SPTLC3: variants seen among roughly 807,000 people sequenced by gnomAD.
SPTLC3 encodes the protein serine palmitoyltransferase long chain base subunit 3, also known as serine palmitoyltransferase 3.
In SPTLC3, 36 loss-of-function variants were observed where a neutral mutation model predicts 59.3. That is an observed-to-expected ratio of 0.61 (90% confidence interval 0.47 to 0.80). The LOEUF (loss-of-function observed/expected upper bound fraction) is 0.80, where lower values mean the gene tolerates loss of function less well. Among genes scored for constraint, SPTLC3 ranks in the 30% least tolerant of loss-of-function variants. The pLI is 0.00. For missense variants in SPTLC3, 625 were observed against 685.1 expected (o/e 0.91, Z 0.98); for synonymous variants, 257 against 240.8 (o/e 1.07, Z -0.62).
chr20:13,068,124 A>G (rs1417902532), intron 2 of SPTLC3, among the ~76,000 whole-genome samples: 3 of 152,228 alleles, frequency 2.0e-5, no homozygotes, highest in Non-Finnish European at 4.4e-5. Context: ...AGAAATATCT[A>G]TAACACTTGG....
chr20:13,152,299 G>A (rs1451684798), intron 9 of SPTLC3, among the ~76,000 whole-genome samples: 1 of 152,164 alleles, frequency 6.6e-6, no homozygotes, highest in Non-Finnish European at 1.5e-5. Context: ...CATTACATAT[G>A]GGTGAGCTAT....
At chr20:13,141,581 C>T (rs1455011472) in intron 9 of SPTLC3, among the ~76,000 whole-genome samples, 5 of 152,116 alleles carry the variant, frequency 3.3e-5, no homozygotes, top group Non-Finnish European at 5.9e-5. Flanking sequence ...CAAAAAATTC[C>T]GCCCAAAATG....
At chr20:13,136,504 G>A (rs2038246952) in intron 9 of SPTLC3, among the ~76,000 whole-genome samples, 1 of 151,760 alleles carries the variant, frequency 6.6e-6, no homozygotes, top group Non-Finnish European at 1.5e-5. Flanking sequence ...GGAGGAAGTG[G>A]TGGGAGGATC....
chr20:13,148,590 T>C (rs1383028720), intron 9 of SPTLC3, among the ~76,000 whole-genome samples: 1 of 152,192 alleles, frequency 6.6e-6, no homozygotes, highest in African/African-American at 2.4e-5. Flanking sequence ...CCCATTTTTA[T>C]TTGCCACACC....
intron 10 of SPTLC3, 74 bp from the exon 11 acceptor site, chr20:13,159,929 C>T: frequency 6.9e-7 from 1 of 1,443,380 alleles, no homozygotes; most frequent in Non-Finnish European, 9.2e-7. Context: ...TAGCCATATT[C>T]CTTTTTTGTC....
At chr20:13,043,265 C>T (rs1987072194) in intron 1 of SPTLC3, among the ~76,000 whole-genome samples, 1 of 152,108 alleles carries the variant, frequency 6.6e-6, no homozygotes. Context: ...CCATTTCATC[C>T]TCCCTGAGCC....
At chr20:13,088,920 G>A (rs1034495776) in intron 4 of SPTLC3, among the ~76,000 whole-genome samples, 15 of 151,612 alleles carry the variant, frequency 9.9e-5, no homozygotes, top group East Asian at 9.8e-4. Flanking sequence ...CGTGGGCCAC[G>A]CGCCCAGCCT....
At chr20:13,058,786 C>A (rs953848568) in intron 2 of SPTLC3, among the ~76,000 whole-genome samples, 1 of 152,186 alleles carries the variant, frequency 6.6e-6, no homozygotes, top group African/African-American at 2.4e-5. Context: ...CAGGTGAAGC[C>A]AATGCTGCTA....
chr20:13,024,029 C>T (rs986227163), intron 1 of SPTLC3, among the ~76,000 whole-genome samples: 6 of 152,108 alleles, frequency 3.9e-5, no homozygotes, highest in Admixed American at 6.5e-5. Flanking sequence ...ATATATGAGA[C>T]GACTTTTAAA....
chr20:13,118,605 A>G (rs1990725170), intron 8 of SPTLC3, among the ~76,000 whole-genome samples: 1 of 152,212 alleles, frequency 6.6e-6, no homozygotes, highest in African/African-American at 2.4e-5. Flanking sequence ...AAATTCTGAC[A>G]CCTATCTCAG....
intron 1 of SPTLC3, among the ~76,000 whole-genome samples, chr20:13,025,139 T>C (rs1014409740): frequency 5.3e-5 from 8 of 152,098 alleles, no homozygotes; most frequent in African/African-American, 1.9e-4. Flanking sequence ...TCAGAGAAAA[T>C]AATTATACAG....
chr20:13,092,137 G>A (rs1194844306), intron 5 of SPTLC3, among the ~76,000 whole-genome samples: 1 of 152,166 alleles, frequency 6.6e-6, no homozygotes, highest in Non-Finnish European at 1.5e-5. Context: ...AATTTTAACA[G>A]ATAAATAAGT....
At chr20:13,153,859 G>T in intron 9 of SPTLC3, 144 bp from the exon 10 acceptor site, 1 of 1,092,612 alleles carries the variant, frequency 9.2e-7, no homozygotes. Context: ...CTGCTCCCCA[G>T]GAGATATCTC....
intron 1 of SPTLC3, among the ~76,000 whole-genome samples, chr20:13,028,040 G>A (rs985945104): frequency 6.6e-6 from 1 of 152,110 alleles, no homozygotes; most frequent in African/African-American, 2.4e-5. Context: ...GTCAATTCAC[G>A]CCTTGGTTCC....
intron 5 of SPTLC3, among the ~76,000 whole-genome samples, chr20:13,092,027 A>T (rs2122629407): frequency 6.6e-6 from 1 of 152,350 alleles, no homozygotes; most frequent in East Asian, 1.9e-4. Context: ...CAAATACCAT[A>T]GAAAAGGCAT....
At chr20:13,055,946 G>T (rs2122519129) in intron 2 of SPTLC3, among the ~76,000 whole-genome samples, 1 of 152,232 alleles carries the variant, frequency 6.6e-6, no homozygotes, top group African/African-American at 2.4e-5. Flanking sequence ...GAGGGAAGGG[G>T]GCTAGATCTT....
At chr20:13,075,145 A>AG (rs1027905480) in intron 4 of SPTLC3, among the ~76,000 whole-genome samples, 2 of 152,096 alleles carry the variant, frequency 1.3e-5, no homozygotes, top group African/African-American at 4.8e-5. Flanking sequence ...AAAAAAAAAA[A>AG]AAAAACCTGT....
chr20:13,154,396 C>T (rs966450588), intron 10 of SPTLC3, among the ~76,000 whole-genome samples: 4 of 152,254 alleles, frequency 2.6e-5, no homozygotes, highest in African/African-American at 7.2e-5. Context: ...CACTTATCTC[C>T]CTCAGCCTCA....
At position 13,128,723 on chromosome 20, in the gene SPTLC3, C is replaced by T. The variant is rs2038051299; in HGVS notation, c.1279+2006C>T. Among the ~76,000 whole-genome samples, 3 of 151,764 alleles carry T rather than the reference C, an allele frequency of 2.0e-5. 1 individual carries two copies. The South Asian group carries it at 6.2e-4, about 32-fold the overall frequency. On this transcript the variant is annotated intron_variant, in intron 9 of 11. Transcript: ENST00000399002. The stretch of plus-strand genomic sequence containing the variant: ...TTTTAAAATTTGAGACAGAGTCTTG[C>T]TCTGTCACCCAGGCTGAAGGGCAGT...
Sources: allele counts gnomAD v4.1 joint callset (sites outside exome capture counted in the v4.1 genomes callset), GRCh38; gene constraint gnomAD v4.1.1; transcripts MANE v1.5; gene names NCBI Gene and HGNC (gene_info 2026-07-23, HGNC 2026-07-21).